The following PUM2 variants were observed in gnomAD, a reference collection of about 807,000 sequenced individuals.
PUM2 encodes the protein pumilio homolog 2.
In PUM2, 57 loss-of-function variants were observed where a neutral mutation model predicts 124.5. The ratio of observed to expected loss-of-function variants is 0.46; its 90% CI spans 0.37 to 0.57. The LOEUF is 0.57. Among genes scored for constraint, PUM2 ranks in the 20% least tolerant of loss-of-function variants. PUM2 has a pLI of 0.00. For synonymous variants in PUM2, 460 were observed against 446.1 expected (o/e 1.03, Z -0.39); for missense variants, 1,065 against 1,290.6 (o/e 0.83, Z 2.68).
intron 7 of PUM2, among the ~76,000 whole-genome samples, chr2:20,301,152 C>T (rs1485129038): frequency 1.3e-5 from 2 of 152,206 alleles, no homozygotes; most frequent in Admixed American, 6.5e-5. Context: ...TGTGCCCCAA[C>T]CACCTTGGGC....
At chr2:20,318,451 G>A (rs1427672203) in intron 3 of PUM2, 86 bp downstream of exon 3, 40 of 1,224,732 alleles carry the variant, frequency 3.3e-5, no homozygotes, top group Non-Finnish European at 4.6e-5. Flanking sequence ...CAAAAATTTG[G>A]AGACTCACTC....
At chr2:20,349,578 G>T (rs768548922) in intron 1 of PUM2, among the ~76,000 whole-genome samples, 1 of 151,638 alleles carries the variant, frequency 6.6e-6, no homozygotes, top group Non-Finnish European at 1.5e-5. Context: ...AGGTCACATG[G>T]TGAAGAGTCA....
chr2:20,262,398 CTACAG>C lies in PUM2; in HGVS notation c.2225+790_2225+794del, dbSNP rs202232132. 7.1e-3 allele frequency among the ~76,000 whole-genome samples: 1,074 copies of C among 152,302 alleles called. 16 individuals carry two copies. Among genetic ancestry groups the C allele is most frequent in the African/African-American group, 0.024 (1,007 of 41,562 alleles). On this transcript the variant is annotated intron_variant, in intron 14 of 20. Coordinates refer to ENST00000361078, the MANE Select transcript of PUM2 (RefSeq NM_015317.5). The stretch of plus-strand genomic sequence containing the variant: ...ATACAAATACCATTGTTACAAATGC[CTACAG>C]TATTCAGTACAGTGACATGCTGTAC...
intron 1 of PUM2, among the ~76,000 whole-genome samples, chr2:20,334,623 G>T (rs996366106): frequency 5.3e-5 from 8 of 152,086 alleles, no homozygotes; most frequent in Non-Finnish European, 7.4e-5. Flanking sequence ...AAATCAATTA[G>T]TATCTGGATA....
upstream of PUM2, among the ~76,000 whole-genome samples, chr2:20,351,418 C>G (rs1356505964): frequency 6.6e-6 from 1 of 152,210 alleles, no homozygotes; most frequent in Non-Finnish European, 1.5e-5. Context: ...CGTGGTTGCA[C>G]CCCAGGCAGG....
chr2:20,318,066 T>A (rs539291277), intron 3 of PUM2, among the ~76,000 whole-genome samples: 13 of 152,352 alleles, frequency 8.5e-5, no homozygotes, highest in Non-Finnish European at 1.8e-4. Context: ...ATGGGATTGC[T>A]GGATTGAATG....
chr2:20,331,313 C>G (rs1368485609), intron 1 of PUM2, among the ~76,000 whole-genome samples: 1 of 151,978 alleles, frequency 6.6e-6, no homozygotes, highest in East Asian at 1.9e-4. Context: ...TAAAGATGGA[C>G]CTAACTCTCA....
chr2:20,330,526 C>G (rs1684690163), intron 1 of PUM2, among the ~76,000 whole-genome samples: 1 of 152,210 alleles, frequency 6.6e-6, no homozygotes, highest in South Asian at 2.1e-4. Flanking sequence ...TCCAAAAGAT[C>G]TGAGTTCTGG....
intron 1 of PUM2, among the ~76,000 whole-genome samples, chr2:20,349,026 T>C (rs115448688): frequency 3.3e-5 from 5 of 152,246 alleles, no homozygotes; most frequent in Non-Finnish European, 5.9e-5. Flanking sequence ...TTGTAATGCC[T>C]GAGAATTTAT....
chr2:20,286,532 T>C (rs1485967077), intron 10 of PUM2, among the ~76,000 whole-genome samples: 2 of 152,240 alleles, frequency 1.3e-5, no homozygotes, highest in Non-Finnish European at 2.9e-5. Flanking sequence ...ATTTATGCCT[T>C]CTCTGTTTTG....
intron 3 of PUM2, 32 bp from the exon 4 acceptor site, chr2:20,312,455 T>C: frequency 6.4e-7 from 1 of 1,561,644 alleles, no homozygotes; most frequent in Non-Finnish European, 8.7e-7. Flanking sequence ...ATTATATACT[T>C]ATACTTTTAA....
intron 13 of PUM2, among the ~76,000 whole-genome samples, chr2:20,266,470 A>T (rs910324117): frequency 6.6e-6 from 1 of 150,744 alleles, no homozygotes; most frequent in Non-Finnish European, 1.5e-5. Context: ...CAAAACAACA[A>T]CAACAACAAC....
chr2:20,283,475 G>C lies in PUM2; in HGVS notation c.1303C>G (p.Leu435Val). 3 of 1,609,446 alleles carry C rather than the reference G, an allele frequency of 1.9e-6. No individual in the cohort carries two copies. Among genetic ancestry groups the C allele is most frequent in the Non-Finnish European group, 2.5e-6 (3 of 1,177,888 alleles). Residue 435 changes from leucine to valine, a missense_variant, in exon 11 of 21, where the codon CTA (leucine) becomes GTA (valine). This residue lies in a region of PUM2 where 968 missense variants were observed against 1,159.8 expected (regional missense o/e 0.83). Coordinates refer to ENST00000361078, the MANE Select transcript of PUM2 (RefSeq NM_015317.5). ...LATGMPGYQVLAPTAYYDQTG... is the reference protein window; with the variant it reads ...LATGMPGYQVVAPTAYYDQTG... The stretch of plus-strand genomic sequence containing the variant: ...TGATCATAATAGGCAGTTGGAGCTA[G>C]TACTTGATAGCCTAAATAAAATAAA...
intron 7 of PUM2, among the ~76,000 whole-genome samples, chr2:20,298,535 T>C (rs958607019): frequency 2.0e-5 from 3 of 152,110 alleles, no homozygotes; most frequent in African/African-American, 7.2e-5. Flanking sequence ...CCACAGCTAC[T>C]GGAAAAAATT....
At chr2:20,293,117 T>C (rs970612377) in intron 9 of PUM2, among the ~76,000 whole-genome samples, 2 of 152,164 alleles carry the variant, frequency 1.3e-5, no homozygotes, top group Admixed American at 1.3e-4. Flanking sequence ...GGATTATATA[T>C]CAAAACAAGG....
At chr2:20,327,434 C>T in intron 1 of PUM2, 56 bp from the exon 2 acceptor site, 1 of 1,110,592 alleles carries the variant, frequency 9.0e-7, no homozygotes, top group East Asian at 2.4e-5. Flanking sequence ...CAGACTTCTT[C>T]AACTATTTTT....
rs7606383 is a variant in PUM2, at chr2:20,326,521, G to A, written c.51+789C>T. On this transcript the variant is annotated intron_variant, in intron 2 of 20. Coordinates refer to ENST00000361078, the MANE Select transcript of PUM2 (RefSeq NM_015317.5). ...GTTATCTTCTATTATCAAAGTCTAC[G>A]TTAGTAGTACAGAACATGACAAAAT... The A allele has an allele frequency of 1.1e-3, 809 of 737,382 alleles. 6 individuals are homozygous for A. In the African/African-American group the frequency reaches 0.013, roughly 12 times the overall value. 45.7% of individuals were successfully genotyped at this position (737,382 alleles called of 1,614,324 possible). A position where few individuals can be genotyped will look rare whatever the true frequency, so the allele number is the denominator to read the frequency against.
In PUM2 at chr2:20,283,099, A is replaced by C. The variant is rs779353057; in HGVS notation, c.1568T>G (p.Phe523Cys). 3.8e-5 allele frequency: 61 copies of C among 1,614,016 alleles called. No homozygotes were observed. The highest frequency in any genetic ancestry group is 5.0e-5 in the Non-Finnish European group (59 of 1,180,034). The part of the protein sequence containing the change: ...QPSTNLQSNS[F>C]YGSSSLTNSS... ...ATTAGTCAAAGAACTGCTTCCATAA[A>C]ATGAATTAGATTGCAGATTAGTGCT... The change falls in exon 12 of 21, where the codon TTT becomes TGT. Residue 523 changes from phenylalanine to cysteine, a missense_variant. This residue lies in a region of PUM2 where 968 missense variants were observed against 1,159.8 expected (regional missense o/e 0.83). Coordinates refer to ENST00000361078, the MANE Select transcript of PUM2 (RefSeq NM_015317.5).
At chr2:20,302,033 T>C (rs1677110479) in intron 7 of PUM2, among the ~76,000 whole-genome samples, 1 of 152,228 alleles carries the variant, frequency 6.6e-6, no homozygotes, top group African/African-American at 2.4e-5. Context: ...GGTCTGTACA[T>C]TACTATATCC....
Sources: gnomAD v4.1 joint callset for allele counts (sites outside exome capture counted in the v4.1 genomes callset) on GRCh38, gnomAD v4.1.1 for gene constraint, gnomAD v4.1.1 regional missense constraint, MANE v1.5 for transcripts, NCBI Gene and HGNC (gene_info 2026-07-23, HGNC 2026-07-21) for gene names.